Variants in RGS7BP observed in about 807,000 individuals in gnomAD.
The protein encoded by RGS7BP is regulator of G protein signaling 7 binding protein, also known as regulator of G protein signaling 7-binding protein.
In RGS7BP, 9 loss-of-function variants were observed where a neutral mutation model predicts 31.3. That is an observed-to-expected ratio of 0.29 (90% confidence interval 0.17 to 0.50). The LOEUF is 0.50. RGS7BP is among the 20% of genes least tolerant of loss of function. RGS7BP has a pLI of 0.98. For synonymous variants in RGS7BP, 115 were observed against 120.1 expected (o/e 0.96, Z 0.28); for missense variants, 274 against 322.0 (o/e 0.85, Z 1.14).
intron 5 of RGS7BP, among the ~76,000 whole-genome samples, chr5:64,600,832 G>C (rs1418487293): frequency 6.6e-6 from 1 of 152,228 alleles, no homozygotes; most frequent in African/African-American, 2.4e-5. Context: ...GAGCTGACCA[G>C]TGGGGAAGGG....
chr5:64,576,691 C>A (rs769748167), intron 3 of RGS7BP, among the ~76,000 whole-genome samples: 13 of 152,200 alleles, frequency 8.5e-5, no homozygotes, highest in Non-Finnish European at 1.6e-4. Context: ...TAAGGGCAAT[C>A]AAGGCCCATT....
At chr5:64,582,072 GA>G (rs1236971358) in intron 3 of RGS7BP, among the ~76,000 whole-genome samples, 2 of 152,196 alleles carry the variant, frequency 1.3e-5, no homozygotes, top group Non-Finnish European at 2.9e-5. Flanking sequence ...TTAAGTTATA[GA>G]TTGAAGCATT....
At chr5:64,592,971 A>G in intron 3 of RGS7BP, among the ~76,000 whole-genome samples, 1 of 152,216 alleles carries the variant, frequency 6.6e-6, no homozygotes, top group Non-Finnish European at 1.5e-5. Flanking sequence ...GGCAAAATGC[A>G]AATGCTTTTA....
chr5:64,511,144 C>T (rs1334819147), intron 2 of RGS7BP, among the ~76,000 whole-genome samples: 1 of 152,224 alleles, frequency 6.6e-6, no homozygotes, highest in Non-Finnish European at 1.5e-5. Flanking sequence ...CCCTGACCAA[C>T]TGAAACCCTC....
At chr5:64,545,374 G>T (rs1741631271) in intron 2 of RGS7BP, among the ~76,000 whole-genome samples, 1 of 151,714 alleles carries the variant, frequency 6.6e-6, no homozygotes, top group South Asian at 2.1e-4. Context: ...TAACAAACCT[G>T]CACGTTGTGC....
chr5:64,575,748 A>G, intron 2 of RGS7BP, 26 bp from the exon 3 acceptor site: 2 of 1,592,870 alleles, frequency 1.3e-6, no homozygotes, highest in Non-Finnish European at 1.7e-6. Context: ...GAATGTTCAC[A>G]GCTTTTCTCT....
chr5:64,556,556 A>T (rs1741933326), intron 2 of RGS7BP, among the ~76,000 whole-genome samples: 2 of 152,030 alleles, frequency 1.3e-5, no homozygotes, highest in African/African-American at 2.4e-5. Flanking sequence ...ATACATTAAG[A>T]TAGTGATATT....
chr5:64,576,341 T>C lies in RGS7BP; in HGVS notation c.463+437T>C, dbSNP rs562893504. On this transcript the variant is annotated intron_variant, in intron 3 of 5. Coordinates refer to ENST00000334025, the MANE Select transcript of RGS7BP (RefSeq NM_001029875.3). ...AAATAACAGGGAGGTTAGTAATAGA[T>C]AACCTCATTCTCTGGCTTAAACCAT... 5.3e-5 allele frequency among the ~76,000 whole-genome samples: 8 copies of C among 152,338 alleles called. No individual in the cohort carries two copies. The South Asian group carries it at 8.3e-4, about 16-fold the overall frequency.
intron 2 of RGS7BP, among the ~76,000 whole-genome samples, chr5:64,517,016 G>GA (rs58172150): frequency 0.075 from 5,789 of 76,940 alleles, 283 homozygotes; most frequent in African/African-American, 0.19. Context: ...TTCTCGCCCA[G>GA]AAAAAAAAAA....
intron 3 of RGS7BP, among the ~76,000 whole-genome samples, chr5:64,593,180 ATTCCGAG>A (rs1258359906): frequency 9.2e-5 from 14 of 152,194 alleles, no homozygotes; most frequent in African/African-American, 3.4e-4. Flanking sequence ...CTGGCTGAAT[ATTCCGAG>A]TTCCACTATA....
intron 2 of RGS7BP, among the ~76,000 whole-genome samples, chr5:64,523,433 G>A (rs890312667): frequency 1.5e-4 from 23 of 152,078 alleles, no homozygotes; most frequent in Admixed American, 3.3e-4. Context: ...AGAAAAATTT[G>A]CTGACTAAAA....
At chr5:64,546,531 G>T (rs908591219) in intron 2 of RGS7BP, among the ~76,000 whole-genome samples, 2 of 152,140 alleles carry the variant, frequency 1.3e-5, no homozygotes, top group Non-Finnish European at 2.9e-5. Context: ...CCCTGAAAAT[G>T]ACCATTTCAG....
chr5:64,577,382 C>T (rs536846121), intron 3 of RGS7BP, among the ~76,000 whole-genome samples: 3 of 152,110 alleles, frequency 2.0e-5, no homozygotes, highest in African/African-American at 7.2e-5. Flanking sequence ...GCGGAGCTTG[C>T]AGTGAGCCAA....
chr5:64,599,306 A>G (rs1743159501), intron 5 of RGS7BP, among the ~76,000 whole-genome samples: 1 of 152,220 alleles, frequency 6.6e-6, no homozygotes, highest in African/African-American at 2.4e-5. Context: ...AGGTGGAGAA[A>G]GGCTTCTAGG....
chr5:64,560,971 C>T (rs1202130160), intron 2 of RGS7BP, among the ~76,000 whole-genome samples: 3 of 152,066 alleles, frequency 2.0e-5, no homozygotes. Flanking sequence ...GAAAAGAGCA[C>T]AAAAAGTTAG....
chr5:64,535,373 C>T (rs1055437186), intron 2 of RGS7BP, among the ~76,000 whole-genome samples: 9 of 152,114 alleles, frequency 5.9e-5, no homozygotes, highest in Non-Finnish European at 1.3e-4. Flanking sequence ...CAGTGCATCC[C>T]GTGTTTGACC....
chr5:64,535,070 G>A (rs1451693054), intron 2 of RGS7BP, among the ~76,000 whole-genome samples: 1 of 152,172 alleles, frequency 6.6e-6, no homozygotes, highest in Non-Finnish European at 1.5e-5. Flanking sequence ...GATAAGGACA[G>A]AGGGACCAGT....
chr5:64,596,188 T>C (rs1743063403), intron 4 of RGS7BP, among the ~76,000 whole-genome samples: 2 of 152,114 alleles, frequency 1.3e-5, no homozygotes, highest in African/African-American at 2.4e-5. Flanking sequence ...AAGAGTAGGA[T>C]AGTTAAGGCC....
chr5:64,599,518 T>C (rs1219683094), intron 5 of RGS7BP, among the ~76,000 whole-genome samples: 1 of 152,090 alleles, frequency 6.6e-6, no homozygotes, highest in Non-Finnish European at 1.5e-5. Context: ...AGGAGTAGTG[T>C]GGCCTGAGCT....
Sources: allele counts gnomAD v4.1 joint callset (sites outside exome capture counted in the v4.1 genomes callset), GRCh38; gene constraint gnomAD v4.1.1; transcripts MANE v1.5; gene names NCBI Gene and HGNC (gene_info 2026-07-23, HGNC 2026-07-21).